Variants in OSBPL6 observed in about 807,000 individuals in gnomAD.
OSBPL6 encodes the protein oxysterol-binding protein-related protein 6.
In OSBPL6, 49 loss-of-function variants were observed where a neutral mutation model predicts 125.8. The observed-to-expected ratio is 0.39, with a 90% CI of 0.31 to 0.49. The LOEUF (loss-of-function observed/expected upper bound fraction) is 0.49, where lower values mean the gene tolerates loss of function less well. OSBPL6 is among the 20% of genes least tolerant of loss of function. The pLI, the probability that OSBPL6 is intolerant of heterozygous loss-of-function variation, is 0.88. For missense variants in OSBPL6, 986 were observed against 1,135.4 expected, an observed-to-expected ratio of 0.87 and a Z score of 1.89; for synonymous variants, 394 against 391.8, an observed-to-expected ratio of 1.01 and a Z score of -0.07.
intron 15 of OSBPL6, among the ~76,000 whole-genome samples, chr2:178,378,389 C>T (rs1350384504): frequency 6.6e-6 from 1 of 152,156 alleles, no homozygotes; most frequent in Non-Finnish European, 1.5e-5. Context: ...AACATCTGGG[C>T]ATTAGCTGTC....
At position 178,332,749 on chromosome 2, in the gene OSBPL6, T is replaced by C. The variant is rs370631092; in HGVS notation, c.481T>C (p.Leu161=). The C allele has an allele frequency of 4.9e-5, 79 of 1,613,830 alleles. No individual in the cohort carries two copies. The highest frequency in any genetic ancestry group is 6.4e-5 in the Non-Finnish European group (75 of 1,179,864). The change falls in exon 7 of 25, where the codon TTG becomes CTG. Residue 161 remains leucine (L), a synonymous_variant. Transcript: ENST00000190611. ...DLDTEEHIYH[L]KVKSQDWFDA... ...TGACACCGAAGAGCACATCTATCAT[T>C]TGAAGGTGAAATCAGTTTTCAACAG...
At chr2:178,218,074 G>A (rs2090162932) in intron 1 of OSBPL6, among the ~76,000 whole-genome samples, 1 of 152,068 alleles carries the variant, frequency 6.6e-6, no homozygotes, top group Admixed American at 6.5e-5. Flanking sequence ...GTTTGAAATT[G>A]TTTTAAAATA....
intron 12 of OSBPL6, among the ~76,000 whole-genome samples, chr2:178,353,866 G>C (rs1425836517): frequency 6.6e-6 from 1 of 152,204 alleles, no homozygotes; most frequent in Non-Finnish European, 1.5e-5. Context: ...ACCCACAAAG[G>C]GAAGCCCATC....
At chr2:178,322,258 C>T (rs1305544302) in intron 3 of OSBPL6, among the ~76,000 whole-genome samples, 1 of 152,050 alleles carries the variant, frequency 6.6e-6, no homozygotes. Flanking sequence ...GTGGGGGAAA[C>T]AGTTGGTGAT....
intron 1 of OSBPL6, among the ~76,000 whole-genome samples, chr2:178,203,446 T>C (rs1227505743): frequency 6.6e-6 from 1 of 152,230 alleles, no homozygotes; most frequent in African/African-American, 2.4e-5. Context: ...AGAAGTGTTA[T>C]TTGGGTCTTT....
chr2:178,353,668 C>G (rs2154092694), intron 12 of OSBPL6, among the ~76,000 whole-genome samples: 2 of 152,296 alleles, frequency 1.3e-5, no homozygotes, highest in Middle Eastern at 6.8e-3. Context: ...TTGGAAAACA[C>G]TCTTCAGGAT....
intron 15 of OSBPL6, among the ~76,000 whole-genome samples, chr2:178,381,051 T>A (rs1694429554): frequency 6.6e-6 from 1 of 152,198 alleles, no homozygotes; most frequent in South Asian, 2.1e-4. Flanking sequence ...TTTTCTAATT[T>A]TTTACAATAA....
chr2:178,234,663 G>T (rs767477415), intron 1 of OSBPL6, among the ~76,000 whole-genome samples: 2 of 152,130 alleles, frequency 1.3e-5, no homozygotes, highest in Non-Finnish European at 2.9e-5. Flanking sequence ...CTCTTCATGG[G>T]ATCTTTTGTA....
chr2:178,271,498 A>G (rs1050073024), intron 1 of OSBPL6, among the ~76,000 whole-genome samples: 1 of 152,180 alleles, frequency 6.6e-6, no homozygotes, highest in Non-Finnish European at 1.5e-5. Flanking sequence ...AAAACAAAAC[A>G]AAAAAGAGAA....
chr2:178,262,245 G>A (rs919296528), intron 1 of OSBPL6, among the ~76,000 whole-genome samples: 1 of 152,110 alleles, frequency 6.6e-6, no homozygotes, highest in Non-Finnish European at 1.5e-5. Context: ...TGCCATACAG[G>A]TTTAAAATGC....
Position 178,349,389 on chromosome 2 carries a change from G to A in OSBPL6, c.1153G>A (p.Val385Met). The A allele has an allele frequency of 6.2e-7, 1 of 1,613,562 alleles. No individual in the cohort carries two copies. Among genetic ancestry groups the A allele is most frequent in the Middle Eastern group, 1.7e-4 (1 of 6,060 alleles). Residue 385 changes from valine (V) to methionine (M), a missense_variant and splice_region_variant, in exon 12 of 25, where the codon GTG becomes ATG. Physicochemically the swap from Val to Met is conservative, Grantham distance 21. Around this residue, in one of 3 missense-constraint regions of OSBPL6, gnomAD observed 843 missense variants for 997.3 expected, o/e 0.85. Transcript: ENST00000190611. ...QEEFCLIAQKVHSLLKSAFNS... is the reference protein window; with the variant it reads ...QEEFCLIAQKMHSLLKSAFNS... ...AGAATTTTGTCTAATCGCACAGAAA[G>A]GTAAGAACAAAAATAATGCGCCCTT...
chr2:178,330,874 G>C (rs903367327), intron 5 of OSBPL6, among the ~76,000 whole-genome samples: 6 of 152,120 alleles, frequency 3.9e-5, no homozygotes, highest in African/African-American at 1.4e-4. Context: ...AGCAAAAAGG[G>C]CAAATCCATT....
rs150510555 is a variant in OSBPL6 at position 178,349,290 on chromosome 2, A to G, written c.1054A>G (p.Ile352Val). 1.9e-6 allele frequency: 3 copies of G among 1,614,020 alleles called. No individual in the cohort carries two copies. In the African/African-American group the frequency reaches 4.0e-5, roughly 22 times the overall value. Residue 352 changes from isoleucine (I) to valine (V), a missense_variant, in exon 12 of 25, where the codon ATT (isoleucine) becomes GTT (valine). This residue lies in a region of OSBPL6 where 843 missense variants were observed against 997.3 expected (regional missense o/e 0.85). Transcript: ENST00000190611. ...HSSNPNLCADIEFQTPPSHLT... is the reference protein window; with the variant it reads ...HSSNPNLCADVEFQTPPSHLT... The stretch of plus-strand genomic sequence containing the variant: ...CTCCAACCCCAACCTTTGTGCAGAT[A>G]TTGAATTTCAGACTCCCCCTAGCCA...
intron 12 of OSBPL6, among the ~76,000 whole-genome samples, chr2:178,349,960 G>C (rs4894014): frequency 0.29 from 44,630 of 152,010 alleles, 7,187 homozygotes; most frequent in African/African-American, 0.4. Context: ...CAACTGTGCC[G>C]CCTTCCTCTC....
At chr2:178,382,585 C>T in intron 16 of OSBPL6, 78 bp downstream of exon 16, 2 of 1,586,112 alleles carry the variant, frequency 1.3e-6, no homozygotes, top group East Asian at 2.3e-5. Flanking sequence ...ACAGGCATTC[C>T]CCCTCCCACG....
At chr2:178,321,023 C>T (rs1688194640) in intron 3 of OSBPL6, among the ~76,000 whole-genome samples, 1 of 152,064 alleles carries the variant, frequency 6.6e-6, no homozygotes, top group South Asian at 2.1e-4. Flanking sequence ...TGGTGGCACG[C>T]ACCTGTAATC....
At chr2:178,364,408 A>G (rs535828044) in intron 13 of OSBPL6, among the ~76,000 whole-genome samples, 2 of 152,284 alleles carry the variant, frequency 1.3e-5, no homozygotes, top group South Asian at 2.1e-4. Flanking sequence ...ACAGATTCTT[A>G]TGGTATTTGA....
At chr2:178,346,300 T>C (rs1196759843) in intron 11 of OSBPL6, among the ~76,000 whole-genome samples, 1 of 152,170 alleles carries the variant, frequency 6.6e-6, no homozygotes, top group Non-Finnish European at 1.5e-5. Flanking sequence ...CCTGTACACA[T>C]AGTGCAGAAC....
At chr2:178,326,846 G>A (rs1223161642) in intron 4 of OSBPL6, among the ~76,000 whole-genome samples, 2 of 152,080 alleles carry the variant, frequency 1.3e-5, no homozygotes, top group Non-Finnish European at 2.9e-5. Flanking sequence ...GCTCCAAGCT[G>A]TCACATCTAT....
Sources: gnomAD v4.1 joint callset for allele counts (sites outside exome capture counted in the v4.1 genomes callset) on GRCh38, gnomAD v4.1.1 for gene constraint, gnomAD v4.1.1 regional missense constraint, MANE v1.5 for transcripts, NCBI Gene and HGNC (gene_info 2026-07-23, HGNC 2026-07-21) for gene names.